Variants in GLIS3 observed in about 807,000 individuals in gnomAD.
GLIS3 encodes zinc finger protein GLIS3.
GLIS3 carries 53 observed loss-of-function variants against 78.6 expected under a neutral mutation model. That is an observed-to-expected ratio of 0.67 (90% CI 0.54 to 0.85). The LOEUF (loss-of-function observed/expected upper bound fraction) is 0.85, where lower values mean the gene tolerates loss of function less well. Among genes scored for constraint, GLIS3 ranks in the 40% least tolerant of loss-of-function variants. GLIS3 has a pLI of 0.00. For synonymous variants in GLIS3, 684 were observed against 509.9 expected (o/e 1.34, Z -4.60); for missense variants, 1,703 against 1,231.1 (o/e 1.38, Z -5.74).
the GLIS3 span, among the ~76,000 whole-genome samples, chr9:4,441,602 T>G: frequency 2.0e-5 from 3 of 152,094 alleles, no homozygotes; most frequent in Non-Finnish European, 4.4e-5. Context: ...ACTAGTAGTT[T>G]TCTTTTCCTT....
In GLIS3 at chr9:3,946,902, T is replaced by C. The variant is rs550192051; in HGVS notation, c.1711-9713A>G. ...TCAGAGTTTCTCATGCAAAGAAAAA[T>C]GATCTTTTCGACCTTGCCCTGAGTT... On this transcript the variant is annotated intron_variant, in intron 4 of 10. Transcript: ENST00000381971. Among the ~76,000 whole-genome samples the C allele has an allele frequency of 4.6e-5, 7 of 152,190 alleles. No homozygotes were observed. The South Asian group carries it at 1.5e-3, about 32-fold the overall frequency.
At chr9:3,927,223 T>C (rs1370934679) in intron 6 of GLIS3, among the ~76,000 whole-genome samples, 1 of 152,226 alleles carries the variant, frequency 6.6e-6, no homozygotes, top group South Asian at 2.1e-4. Context: ...TCAATAAATA[T>C]CTGTTGAGTA....
At chr9:4,323,028 A>G (rs1215598545) in intron 2 of GLIS3, among the ~76,000 whole-genome samples, 10 of 152,124 alleles carry the variant, frequency 6.6e-5, no homozygotes, top group African/African-American at 7.2e-5. Flanking sequence ...TTTCTTCTCT[A>G]AAGTCTTTAT....
intron 1 of GLIS3, among the ~76,000 whole-genome samples, chr9:4,290,806 G>A (rs1194740658): frequency 6.6e-6 from 1 of 152,106 alleles, no homozygotes; most frequent in African/African-American, 2.4e-5. Flanking sequence ...ATTCTTGTCT[G>A]CAATTTTAAC....
chr9:3,985,911 G>A (rs1428894883), intron 4 of GLIS3, among the ~76,000 whole-genome samples: 4 of 152,180 alleles, frequency 2.6e-5, no homozygotes, highest in African/African-American at 9.6e-5. Context: ...GTATAATATT[G>A]CTAATCTATA....
the GLIS3 span, among the ~76,000 whole-genome samples, chr9:4,373,847 T>C: frequency 2.0e-5 from 3 of 152,052 alleles, no homozygotes; most frequent in African/African-American, 4.8e-5. Context: ...TTTGTATTTT[T>C]AGTAGAGACG....
At chr9:4,295,956 A>C in intron 1 of GLIS3, among the ~76,000 whole-genome samples, 1 of 152,028 alleles carries the variant, frequency 6.6e-6, no homozygotes, top group East Asian at 1.9e-4. Context: ...CAGATTTCCT[A>C]TGTGCCTTTT....
chr9:4,024,854 T>C (rs180831515), intron 4 of GLIS3, among the ~76,000 whole-genome samples: 218 of 152,284 alleles, frequency 1.4e-3, no homozygotes, highest in African/African-American at 5.0e-3. Flanking sequence ...CTTAGATTGG[T>C]ATCCATCTCC....
intron 8 of GLIS3, among the ~76,000 whole-genome samples, chr9:3,870,893 T>C (rs909546596): frequency 1.3e-5 from 2 of 152,334 alleles, no homozygotes; most frequent in African/African-American, 2.4e-5. Context: ...CATTTCAGCA[T>C]TAACTCAAAA....
chr9:4,262,034 GGA>G (rs1422416506), intron 2 of GLIS3, among the ~76,000 whole-genome samples: 1 of 152,102 alleles, frequency 6.6e-6, no homozygotes, highest in Admixed American at 6.5e-5. Context: ...ATATTTTCAT[GGA>G]GAGGAAAATA....
intron 7 of GLIS3, among the ~76,000 whole-genome samples, chr9:3,895,399 T>G (rs7032713): frequency 0.16 from 23,629 of 152,146 alleles, 2,080 homozygotes; most frequent in Non-Finnish European, 0.2. Context: ...TTCCTGTTTG[T>G]TAGGTTACAA....
At chr9:4,276,507 G>C (rs1253230831) in intron 2 of GLIS3, among the ~76,000 whole-genome samples, 3 of 48,202 alleles carry the variant, frequency 6.2e-5, no homozygotes, top group African/African-American at 1.7e-4. Context: ...GGAAGGGGAG[G>C]GGAGGGAAGG....
chr9:4,114,739 G>T (rs772975893), intron 4 of GLIS3, among the ~76,000 whole-genome samples: 2 of 152,038 alleles, frequency 1.3e-5, no homozygotes, highest in Admixed American at 6.5e-5. Context: ...TTGCCACTGG[G>T]TGGGAATGTC....
chr9:4,201,336 C>T (rs1318059294), intron 2 of GLIS3, among the ~76,000 whole-genome samples: 1 of 152,034 alleles, frequency 6.6e-6, no homozygotes, highest in Non-Finnish European at 1.5e-5. Flanking sequence ...CTTACCAAAC[C>T]AATCAGACAA....
intron 4 of GLIS3, among the ~76,000 whole-genome samples, chr9:4,026,208 T>C (rs930608487): frequency 6.6e-5 from 10 of 152,230 alleles, no homozygotes; most frequent in African/African-American, 9.6e-5. Context: ...TCAGTTTTAG[T>C]TGAAGAGAGT....
chr9:4,283,688 A>G (rs983959297), intron 2 of GLIS3, among the ~76,000 whole-genome samples: 6 of 152,240 alleles, frequency 3.9e-5, no homozygotes, highest in African/African-American at 7.2e-5. Flanking sequence ...TATATGCTCA[A>G]TAATTATTTG....
At chr9:4,457,299 T>G in the GLIS3 span, among the ~76,000 whole-genome samples, 2 of 151,772 alleles carry the variant, frequency 1.3e-5, no homozygotes, top group African/African-American at 2.4e-5. Flanking sequence ...AAGTCATGGC[T>G]TCAATAAGCT....
chr9:4,072,019 TAAAAGATGGAGTTCAAC>T, intron 4 of GLIS3: 1 of 152,288 alleles, frequency 6.6e-6, no homozygotes, highest in South Asian at 2.1e-4. Flanking sequence ...CTGTACAACA[TAAAAGATGGAGTTCAAC>T]ATATGCTAGG....
intron 2 of GLIS3, among the ~76,000 whole-genome samples, chr9:4,320,992 G>T (rs1379201948): frequency 3.3e-5 from 5 of 151,886 alleles, no homozygotes; most frequent in Admixed American, 3.3e-4. Flanking sequence ...GCTTGAGAAG[G>T]CTGTAAGTCT....
Sources: allele counts gnomAD v4.1 joint callset (sites outside exome capture counted in the v4.1 genomes callset), GRCh38; gene constraint gnomAD v4.1.1; transcripts MANE v1.5; gene names NCBI Gene and HGNC (gene_info 2026-07-23, HGNC 2026-07-21).